The following ATXN7L3 variants were observed in gnomAD, a reference collection of about 807,000 sequenced individuals.
The protein encoded by ATXN7L3 is ataxin-7-like protein 3.
In ATXN7L3, 6 loss-of-function variants were observed where a neutral mutation model predicts 50.0. That is an observed-to-expected ratio of 0.12 (90% CI 0.07 to 0.24). ATXN7L3 has a LOEUF of 0.24. Ranked by LOEUF, ATXN7L3 falls within the 10% of genes least tolerant of loss-of-function variation. ATXN7L3 has a pLI of 1.00. For missense variants in ATXN7L3, 322 were observed against 451.3 expected (o/e 0.71, Z 2.60); for synonymous variants, 198 against 165.8 (o/e 1.19, Z -1.49).
Position 44,194,195 on chromosome 17 carries a change from C to T in ATXN7L3, c.*68G>A. 6.4e-7 allele frequency: 1 copy of T among 1,562,704 alleles called. No individual in the cohort carries two copies. Among genetic ancestry groups the T allele is most frequent in the Non-Finnish European group, 8.7e-7 (1 of 1,154,690 alleles). Reference sequence around the variant, plus strand: ...CCCCAGCAGCCGTCCATTTGCCAGGCTATGCCACCTGGGTGGGGGTCAGGA... The same window carrying T: ...CCCCAGCAGCCGTCCATTTGCCAGGTTATGCCACCTGGGTGGGGGTCAGGA... On this transcript the variant is annotated 3_prime_UTR_variant, in exon 13 of 13. Transcript: ENST00000587097.
At chr17:44,196,444 C>T (rs2055894790) in intron 5 of ATXN7L3, 26 bp from the exon 6 acceptor site, 2 of 1,613,916 alleles carry the variant, frequency 1.2e-6, no homozygotes, top group African/African-American at 2.7e-5. Context: ...GCATAAAGAG[C>T]AGGGTTTCCG....
At chr17:44,198,195 C>T in intron 1 of ATXN7L3, 65 bp from the exon 2 acceptor site, 1 of 871,074 alleles carries the variant, frequency 1.1e-6, no homozygotes, top group Middle Eastern at 2.3e-4. Flanking sequence ...GCCACCTTCC[C>T]TCCCCACCTC....
At chr17:44,196,155 G>C in intron 6 of ATXN7L3, 76 bp from the exon 7 acceptor site, 1 of 1,515,512 alleles carries the variant, frequency 6.6e-7, no homozygotes, top group South Asian at 1.1e-5. Flanking sequence ...AAGGAAAAAA[G>C]ATTTGACAAA....
Sources: gnomAD v4.1 joint callset for allele counts on GRCh38, gnomAD v4.1.1 for gene constraint, MANE v1.5 for transcripts, NCBI Gene and HGNC (gene_info 2026-07-23, HGNC 2026-07-21) for gene names.